The following ITGA6 variants were observed in gnomAD, a reference collection of about 807,000 sequenced individuals.
ITGA6 encodes integrin subunit alpha 6.
In ITGA6, 63 loss-of-function variants were observed where a neutral mutation model predicts 133.6. The ratio of observed to expected loss-of-function variants is 0.47; its 90% CI spans 0.38 to 0.58. ITGA6 has a LOEUF of 0.58. Among genes scored for constraint, ITGA6 ranks in the 20% least tolerant of loss-of-function variants. The pLI is 0.00. For missense variants in ITGA6, 1,068 were observed against 1,309.4 expected, an observed-to-expected ratio of 0.82 and a Z score of 2.85; for synonymous variants, 434 against 482.0, an observed-to-expected ratio of 0.90 and a Z score of 1.30.
chr2:172,474,897 T>G (rs375168095), intron 6 of ITGA6, 32 bp from the exon 7 acceptor site: 9 of 1,115,532 alleles, frequency 8.1e-6, no homozygotes, highest in African/African-American at 7.7e-5. Context: ...TAGCTGTTGG[T>G]TCACGGCTCT....
rs1322244509 is a variant in ITGA6 at position 172,488,208 on chromosome 2, T to TTA, written c.2486_2487dup (p.Ile830Ter). The TTA allele has an allele frequency of 6.2e-7, 1 of 1,613,164 alleles. No individual in the cohort carries two copies. The highest frequency in any genetic ancestry group is 2.2e-5 in the East Asian group (1 of 44,860). On this transcript the variant is annotated frameshift_variant, in exon 19 of 26. Coordinates refer to ENST00000684293, the MANE Select transcript of ITGA6 (RefSeq NM_000210.4). LOFTEE classifies it high-confidence loss of function. ...GAAATCTGAAGATGAAGTGGGAAGT[T>TTA]TAATAGAGTATGAATTCAGGGTAAG... is the stretch of plus-strand genomic sequence containing the variant.
chr2:172,447,898 A>G (rs1559120864), intron 1 of ITGA6, among the ~76,000 whole-genome samples: 1 of 152,144 alleles, frequency 6.6e-6, no homozygotes, highest in South Asian at 2.1e-4. Flanking sequence ...AAAGTTGTGG[A>G]TGTTAAAAAC....
chr2:172,465,792 G>A, intron 2 of ITGA6, 129 bp downstream of exon 2: 1 of 1,279,082 alleles, frequency 7.8e-7, no homozygotes, highest in Non-Finnish European at 1.1e-6. Flanking sequence ...AGACTTGACT[G>A]TTTTTTATTT....
At chr2:172,473,670 CTG>C (rs1158227998) in intron 5 of ITGA6, among the ~76,000 whole-genome samples, 1 of 152,186 alleles carries the variant, frequency 6.6e-6, no homozygotes, top group African/African-American at 2.4e-5. Context: ...TATATATTCT[CTG>C]TGTATATGAT....
chr2:172,466,286 C>T (rs1438695536), intron 2 of ITGA6, among the ~76,000 whole-genome samples: 2 of 152,162 alleles, frequency 1.3e-5, no homozygotes, highest in African/African-American at 4.8e-5. Flanking sequence ...TTTGCAGATT[C>T]GTGTCTATGT....
intron 6 of ITGA6, 61 bp downstream of exon 6, chr2:172,474,326 C>T (rs578116120): frequency 2.9e-5 from 41 of 1,435,800 alleles, no homozygotes; most frequent in Admixed American, 2.7e-4. Flanking sequence ...AGCTTCTATA[C>T]GACTGGAGAA....
At chr2:172,498,539 A>G (rs1447489252) in intron 24 of ITGA6, among the ~76,000 whole-genome samples, 2 of 152,254 alleles carry the variant, frequency 1.3e-5, no homozygotes, top group African/African-American at 4.8e-5. Flanking sequence ...CTAGATTTGG[A>G]ATAGAAGAGT....
At chr2:172,496,538 T>A (rs1011854174) in intron 23 of ITGA6, among the ~76,000 whole-genome samples, 1 of 152,188 alleles carries the variant, frequency 6.6e-6, no homozygotes, top group Admixed American at 6.5e-5. Context: ...CACCACCGCA[T>A]AGAAGTATTG....
At chr2:172,465,730 A>G (rs750396394) in intron 2 of ITGA6, 67 bp downstream of exon 2, 18 of 1,600,276 alleles carry the variant, frequency 1.1e-5, no homozygotes, top group Non-Finnish European at 1.5e-5. Flanking sequence ...ATGAGGGAGG[A>G]GAGTGGGGAC....
At position 172,504,199 on chromosome 2, in the gene ITGA6, C is replaced by T; in HGVS notation, c.*131C>T. The T allele has an allele frequency of 6.3e-7, 1 of 1,586,622 alleles. No homozygotes were observed. Among genetic ancestry groups the T allele is most frequent in the Non-Finnish European group, 8.6e-7 (1 of 1,165,668 alleles). On this transcript the variant is annotated 3_prime_UTR_variant, in exon 26 of 26. Coordinates refer to ENST00000684293, the MANE Select transcript of ITGA6 (RefSeq NM_000210.4). Reference sequence around the variant, plus strand: ...CAAAGATGAAAAGTATATTGATAACCTTGAAAAAAAACAGTGGATCACAAA... The same window carrying T: ...CAAAGATGAAAAGTATATTGATAACTTTGAAAAAAAACAGTGGATCACAAA...
At chr2:172,457,302 A>T (rs1268635608) in intron 1 of ITGA6, among the ~76,000 whole-genome samples, 1 of 151,392 alleles carries the variant, frequency 6.6e-6, no homozygotes, top group Non-Finnish European at 1.5e-5. Flanking sequence ...CTCCAAAAAA[A>T]AAAAAAAAAA....
At chr2:172,463,814 A>G (rs1383768847) in intron 1 of ITGA6, among the ~76,000 whole-genome samples, 1 of 152,066 alleles carries the variant, frequency 6.6e-6, no homozygotes, top group Non-Finnish European at 1.5e-5. Flanking sequence ...AAGTACAGTA[A>G]TTTAACACAT....
chr2:172,434,481 G>A (rs901019445), intron 1 of ITGA6, among the ~76,000 whole-genome samples: 2 of 152,154 alleles, frequency 1.3e-5, no homozygotes, highest in East Asian at 1.9e-4. Flanking sequence ...TTCTCAGGCC[G>A]CAGTGTGGCA....
chr2:172,468,893 GATT>G (rs1685796154), intron 3 of ITGA6: 6 of 492,890 alleles, frequency 1.2e-5, no homozygotes, highest in Non-Finnish European at 2.2e-5. Flanking sequence ...TGGATTGGAG[GATT>G]ATTCTGAGTG....
chr2:172,429,176 T>G (rs1237048028), intron 1 of ITGA6, among the ~76,000 whole-genome samples: 12 of 76,904 alleles, frequency 1.6e-4, no homozygotes, highest in Non-Finnish European at 2.4e-4. Flanking sequence ...TTTTAGTCAG[T>G]TTTTTTTTTT....
At chr2:172,469,445 C>CCATGATTTAGTAA (rs3215376) in intron 4 of ITGA6, 65 bp downstream of exon 4, 1 of 1,466,928 alleles carries the variant, frequency 6.8e-7, no homozygotes, top group Non-Finnish European at 9.5e-7. Context: ...TGATTTAGTA[C>CCATGATTTAGTAA]ATTTTGAGCT....
chr2:172,496,522 G>GA (rs1240793497), intron 23 of ITGA6, among the ~76,000 whole-genome samples: 2 of 152,244 alleles, frequency 1.3e-5, no homozygotes, highest in East Asian at 3.9e-4. Context: ...TTTTTTTAAA[G>GA]AAAAACACCA....
chr2:172,430,972 A>G (rs992652296), intron 1 of ITGA6, among the ~76,000 whole-genome samples: 6 of 152,224 alleles, frequency 3.9e-5, no homozygotes, highest in Non-Finnish European at 8.8e-5. Flanking sequence ...GGATCTATAT[A>G]TGATCACAGG....
chr2:172,450,575 C>T (rs995680777), intron 1 of ITGA6, among the ~76,000 whole-genome samples: 4 of 151,986 alleles, frequency 2.6e-5, no homozygotes, highest in Non-Finnish European at 5.9e-5. Context: ...ATGCATTGGA[C>T]GTGGGATATA....
Sources: gnomAD v4.1 joint callset for allele counts (sites outside exome capture counted in the v4.1 genomes callset) on GRCh38, gnomAD v4.1.1 for gene constraint, MANE v1.5 for transcripts, NCBI Gene and HGNC (gene_info 2026-07-23, HGNC 2026-07-21) for gene names.